Variants in PCMTD1 observed in about 807,000 individuals in gnomAD.
The protein encoded by PCMTD1 is protein-L-isoaspartate O-methyltransferase domain-containing protein 1.
A neutral mutation model predicts 37.6 loss-of-function variants in PCMTD1; 12 were observed. The observed-to-expected ratio is 0.32, with a 90% CI of 0.20 to 0.52. The LOEUF (loss-of-function observed/expected upper bound fraction) is 0.52, where lower values mean the gene tolerates loss of function less well. PCMTD1 is among the 20% of genes least tolerant of loss of function. The pLI is 0.97. For missense variants in PCMTD1, 235 were observed against 421.3 expected (o/e 0.56, Z 3.87); for synonymous variants, 117 against 135.8 (o/e 0.86, Z 0.96).
At chr8:51,877,429 T>C (rs2038728589) in intron 1 of PCMTD1, among the ~76,000 whole-genome samples, 1 of 152,246 alleles carries the variant, frequency 6.6e-6, no homozygotes, top group African/African-American at 2.4e-5. Flanking sequence ...GGAACGGCTA[T>C]GACAATGTTT....
chr8:51,843,550 T>C (rs2038176563), intron 3 of PCMTD1, among the ~76,000 whole-genome samples: 1 of 146,804 alleles, frequency 6.8e-6, no homozygotes, highest in Admixed American at 6.8e-5. Flanking sequence ...GTAATGAAAA[T>C]AAAACTAAAG....
chr8:51,854,805 A>AG (rs2038358984), intron 2 of PCMTD1, among the ~76,000 whole-genome samples: 1 of 151,344 alleles, frequency 6.6e-6, no homozygotes, highest in Admixed American at 6.6e-5. Flanking sequence ...TGAACCTGGG[A>AG]GGCGGAGGTT....
intron 2 of PCMTD1, among the ~76,000 whole-genome samples, chr8:51,851,257 G>A (rs2038303169): frequency 6.6e-6 from 1 of 152,112 alleles, no homozygotes; most frequent in Admixed American, 6.5e-5. Flanking sequence ...CCAGAAACAA[G>A]TTCTAGTCCC....
At chr8:51,860,617 G>C (rs990615644) in intron 2 of PCMTD1, 1 of 428,450 alleles carries the variant, frequency 2.3e-6, no homozygotes, top group African/African-American at 2.0e-5. Flanking sequence ...TACAGACAAT[G>C]ACTAACAGAG....
chr8:51,829,768 G>A (rs373791093), intron 5 of PCMTD1, among the ~76,000 whole-genome samples: 16 of 151,894 alleles, frequency 1.1e-4, no homozygotes, highest in East Asian at 3.9e-4. Flanking sequence ...AGACTCCATC[G>A]TAAAAACAAA....
At chr8:51,832,137 T>C (rs2038006861) in intron 4 of PCMTD1, among the ~76,000 whole-genome samples, 1 of 152,228 alleles carries the variant, frequency 6.6e-6, no homozygotes, top group Admixed American at 6.5e-5. Context: ...GTTTAATTAG[T>C]ATATTCAACT....
chr8:51,848,691 A>T (rs1358060321), intron 2 of PCMTD1, among the ~76,000 whole-genome samples: 2 of 152,220 alleles, frequency 1.3e-5, no homozygotes, highest in Non-Finnish European at 1.5e-5. Flanking sequence ...CCTTGACACA[A>T]GATATTTAAT....
intron 2 of PCMTD1, among the ~76,000 whole-genome samples, chr8:51,857,631 A>C (rs1309588718): frequency 6.6e-6 from 1 of 152,210 alleles, no homozygotes; most frequent in African/African-American, 2.4e-5. Flanking sequence ...GAATCAACTA[A>C]GTACTAGATC....
rs144940434 is a variant in PCMTD1, at chr8:51,884,953, T to A, written c.-96+13977A>T. Among the ~76,000 whole-genome samples, 581 of 152,310 alleles carry A rather than the reference T, an allele frequency of 3.8e-3. 3 individuals carry two copies. Among genetic ancestry groups the A allele is most frequent in the African/African-American group, 0.013 (559 of 41,562 alleles). On this transcript the variant is annotated intron_variant, in intron 1 of 5. Coordinates refer to ENST00000522514, the MANE Select transcript of PCMTD1 (RefSeq NM_052937.4). ...CTGTTTCTTAACATCTATTTCTATATCCTGTAGCACTCTCTGTACTTCCTA... is the reference window on the plus strand; with the variant it reads ...CTGTTTCTTAACATCTATTTCTATAACCTGTAGCACTCTCTGTACTTCCTA...
At chr8:51,830,483 T>C (rs13250860) in intron 5 of PCMTD1, among the ~76,000 whole-genome samples, 104,580 of 152,112 alleles carry the variant, frequency 0.69, 42,405 homozygotes, top group Non-Finnish European at 0.9. Context: ...CAAGGGAAAA[T>C]GAATTCTTCT....
intron 1 of PCMTD1, among the ~76,000 whole-genome samples, chr8:51,889,889 T>C (rs1056869536): frequency 1.3e-5 from 2 of 150,276 alleles, no homozygotes; most frequent in African/African-American, 4.9e-5. Flanking sequence ...TGTGTGTGTG[T>C]GTGTACACAC....
At chr8:51,882,818 TA>T (rs34942203) in intron 1 of PCMTD1, among the ~76,000 whole-genome samples, 139 of 137,550 alleles carry the variant, frequency 1.0e-3, no homozygotes, top group Middle Eastern at 3.7e-3. Flanking sequence ...ATAGCATACT[TA>T]AAAAAAAAAA....
intron 1 of PCMTD1, among the ~76,000 whole-genome samples, chr8:51,887,409 T>C (rs144047312): frequency 2.0e-4 from 30 of 152,218 alleles, no homozygotes; most frequent in South Asian, 4.1e-4. Context: ...GAAGAAACAA[T>C]ATGGCAGAAA....
chr8:51,823,073 G>C (rs1176525937), intron 5 of PCMTD1, among the ~76,000 whole-genome samples: 2 of 152,142 alleles, frequency 1.3e-5, no homozygotes, highest in Non-Finnish European at 2.9e-5. Context: ...AATTTATCAA[G>C]ACCAACTGGA....
intron 1 of PCMTD1, among the ~76,000 whole-genome samples, chr8:51,877,960 ACT>A (rs1213342898): frequency 2.6e-5 from 4 of 152,156 alleles, no homozygotes; most frequent in Non-Finnish European, 4.4e-5. Context: ...GGTGCAGAAA[ACT>A]CTGTGTGTGT....
intron 2 of PCMTD1, among the ~76,000 whole-genome samples, chr8:51,852,244 A>G (rs2038318972): frequency 6.6e-6 from 1 of 152,234 alleles, no homozygotes; most frequent in Admixed American, 6.5e-5. Flanking sequence ...ATACTTCTTT[A>G]AAGAATGATA....
intron 2 of PCMTD1, among the ~76,000 whole-genome samples, chr8:51,858,548 T>C (rs2129285853): frequency 6.6e-6 from 1 of 152,240 alleles, no homozygotes; most frequent in Non-Finnish European, 1.5e-5. Context: ...CTCCATGACA[T>C]AAAACACACA....
chr8:51,831,296 CAAA>C (rs10578406), intron 5 of PCMTD1, 145 bp downstream of exon 5: 6,609 of 582,174 alleles, frequency 0.011, no homozygotes, highest in South Asian at 0.017. Context: ...AGACTGTCTC[CAAA>C]AAAAAAAAAA....
intron 2 of PCMTD1, among the ~76,000 whole-genome samples, chr8:51,852,963 CAT>C (rs1257695097): frequency 6.6e-6 from 1 of 152,156 alleles, no homozygotes; most frequent in Non-Finnish European, 1.5e-5. Flanking sequence ...GCAGGCACCA[CAT>C]GTTTAAGAAC....
Sources: allele counts gnomAD v4.1 joint callset (sites outside exome capture counted in the v4.1 genomes callset), GRCh38; gene constraint gnomAD v4.1.1; transcripts MANE v1.5; gene names NCBI Gene and HGNC (gene_info 2026-07-23, HGNC 2026-07-21).